The following CSGALNACT1 variants were observed in gnomAD, a reference collection of about 807,000 sequenced individuals.
CSGALNACT1 encodes the protein beta4GalNAcT-1.
A neutral mutation model predicts 51.0 loss-of-function variants in CSGALNACT1; 52 were observed. The ratio of observed to expected loss-of-function variants is 1.02; its 90% CI spans 0.82 to 1.29. CSGALNACT1 has a LOEUF of 1.29. CSGALNACT1 is among the 50% of genes most tolerant of loss of function. The pLI is 0.00. For synonymous variants in CSGALNACT1, 341 were observed against 254.4 expected, an observed-to-expected ratio of 1.34 and a Z score of -3.24; for missense variants, 935 against 679.2, an observed-to-expected ratio of 1.38 and a Z score of -4.19.
intron 3 of CSGALNACT1, among the ~76,000 whole-genome samples, chr8:19,526,659 A>C (rs1172718815): frequency 6.6e-6 from 1 of 152,170 alleles, no homozygotes; most frequent in East Asian, 1.9e-4. Flanking sequence ...GATATTACTT[A>C]AAGGAGCCAC....
At chr8:19,689,305 G>A (rs1040822239) in intron 1 of CSGALNACT1, among the ~76,000 whole-genome samples, 2 of 152,138 alleles carry the variant, frequency 1.3e-5, no homozygotes, top group Non-Finnish European at 2.9e-5. Context: ...TACATGAAGA[G>A]GGCCATTTGG....
chr8:19,701,862 C>T (rs2061900108), intron 1 of CSGALNACT1, among the ~76,000 whole-genome samples: 1 of 152,140 alleles, frequency 6.6e-6, no homozygotes, highest in Non-Finnish European at 1.5e-5. Context: ...ATGATAATAT[C>T]AAGTAGAACA....
At position 19,553,329 on chromosome 8, in the gene CSGALNACT1, A is replaced by C. The variant is rs573925698; in HGVS notation, c.-297+37831T>G. Among the ~76,000 whole-genome samples, 5 of 152,140 alleles carry C rather than the reference A, an allele frequency of 3.3e-5. No individual in the cohort carries two copies. The South Asian group carries it at 1.0e-3, about 32-fold the overall frequency. On this transcript the variant is annotated intron_variant, in intron 3 of 9. Coordinates refer to ENST00000454498, the Ensembl canonical transcript of CSGALNACT1. ...TTAAATGGTACCCTAAAGGAACTAA[A>C]AGGCAAGACAGAGGGGCAAAAATGT...
At chr8:19,516,456 T>C (rs1462436516) in intron 3 of CSGALNACT1, among the ~76,000 whole-genome samples, 6 of 152,150 alleles carry the variant, frequency 3.9e-5, no homozygotes, top group Admixed American at 2.6e-4. Flanking sequence ...TCTGAACTCA[T>C]AAATATTATT....
chr8:19,569,884 C>T (rs1237348134), intron 3 of CSGALNACT1, among the ~76,000 whole-genome samples: 1 of 152,164 alleles, frequency 6.6e-6, no homozygotes, highest in Admixed American at 6.5e-5. Context: ...ATAGAACAAA[C>T]TACTGCTACA....
At chr8:19,669,044 CA>C (rs1056117539) in intron 1 of CSGALNACT1, among the ~76,000 whole-genome samples, 42 of 152,274 alleles carry the variant, frequency 2.8e-4, no homozygotes, top group African/African-American at 9.9e-4. Flanking sequence ...GGCTCTCAAA[CA>C]AATTCTGTGT....
intron 6 of CSGALNACT1, among the ~76,000 whole-genome samples, chr8:19,428,455 C>T (rs1256071771): frequency 3.3e-5 from 5 of 152,100 alleles, no homozygotes; most frequent in Non-Finnish European, 7.4e-5. Flanking sequence ...GACTTATTCA[C>T]CACCATGAGA....
At chr8:19,724,633 C>T (rs6999473) in intron 1 of CSGALNACT1, among the ~76,000 whole-genome samples, 111,184 of 152,196 alleles carry the variant, frequency 0.73, 40,849 homozygotes, top group East Asian at 0.83. Context: ...GACATGGCCG[C>T]CTTTGGGAGA....
At chr8:19,682,560 C>A (rs1218036408) in exon 1 of CSGALNACT1, 1 of 448,646 alleles carries the variant, frequency 2.2e-6, no homozygotes, top group Non-Finnish European at 4.5e-6. Flanking sequence ...CAGTACTCTA[C>A]TCCCAGGGTT....
chr8:19,469,589 C>A (rs141944911), intron 4 of CSGALNACT1, among the ~76,000 whole-genome samples: 2 of 152,152 alleles, frequency 1.3e-5, no homozygotes, highest in African/African-American at 4.8e-5. Flanking sequence ...CAAGTTTATT[C>A]CCACTTCAGA....
chr8:19,584,627 A>G (rs1364940681), intron 3 of CSGALNACT1, among the ~76,000 whole-genome samples: 1 of 152,256 alleles, frequency 6.6e-6, no homozygotes, highest in Non-Finnish European at 1.5e-5. Flanking sequence ...TTCAGAAATC[A>G]AAAGTATAAT....
chr8:19,747,609 G>T (rs1483871389), intron 1 of CSGALNACT1, among the ~76,000 whole-genome samples: 1 of 152,154 alleles, frequency 6.6e-6, no homozygotes, highest in Non-Finnish European at 1.5e-5. Context: ...ACTATTTTCT[G>T]CTCAGATTTC....
chr8:19,540,472 G>T (rs1355017813), intron 3 of CSGALNACT1, among the ~76,000 whole-genome samples: 1 of 152,202 alleles, frequency 6.6e-6, no homozygotes, highest in East Asian at 1.9e-4. Flanking sequence ...CTGACACACA[G>T]TATCTGCTTA....
Position 19,666,801 on chromosome 8 carries a change from AAGAAAGAAAGAGAGAG to A in CSGALNACT1, c.-544+15656_-544+15671del, listed in dbSNP as rs2059238617. On this transcript the variant is annotated intron_variant, in intron 1 of 9. Transcript: ENST00000332246. Reference sequence around the variant, plus strand: ...AAAGAAAGAAAGAAAGAAAGAAAGAAAGAAAGAAAGAGAGAGAGAGAGAGAGAGAGAGAAAGAAAGA... The same window carrying A: ...AAAGAAAGAAAGAAAGAAAGAAAGAAAGAGAGAGAGAGAGAGAAAGAAAGA... 1.4e-4 allele frequency among the ~76,000 whole-genome samples: 3 copies of A among 21,760 alleles called. 1 individual carries two copies. Among genetic ancestry groups the A allele is most frequent in the Non-Finnish European group, 2.3e-4 (3 of 12,900 alleles). 14.3% of individuals were successfully genotyped at this position (21,760 alleles called of 152,430 possible).
chr8:19,728,212 T>TA (rs2063506529), intron 1 of CSGALNACT1, among the ~76,000 whole-genome samples: 2 of 152,252 alleles, frequency 1.3e-5, no homozygotes, highest in South Asian at 2.1e-4. Flanking sequence ...TTCTTCTATG[T>TA]AAAATCTAAC....
chr8:19,437,389 A>T (rs1376859015), intron 6 of CSGALNACT1, among the ~76,000 whole-genome samples: 2 of 152,178 alleles, frequency 1.3e-5, no homozygotes, highest in East Asian at 3.9e-4. Context: ...CCATCTGGGG[A>T]CCAGGCTAAG....
chr8:19,622,305 G>A (rs967520810), intron 1 of CSGALNACT1, among the ~76,000 whole-genome samples: 1 of 152,132 alleles, frequency 6.6e-6, no homozygotes, highest in South Asian at 2.1e-4. Flanking sequence ...GTAATTCCAA[G>A]CACTATCTTT....
intron 1 of CSGALNACT1, among the ~76,000 whole-genome samples, chr8:19,748,707 G>C (rs116431158): frequency 0.017 from 2,584 of 152,282 alleles, 79 homozygotes; most frequent in African/African-American, 0.059. Context: ...GCTCACATCT[G>C]TAAACCCAGC....
upstream of CSGALNACT1, chr8:19,602,760 G>A (rs1051886448): frequency 6.6e-6 from 1 of 152,110 alleles, no homozygotes; most frequent in African/African-American, 2.4e-5. Flanking sequence ...AAAGCAGAAT[G>A]GGAAAGAGGT....
Sources: allele counts gnomAD v4.1 joint callset (sites outside exome capture counted in the v4.1 genomes callset), GRCh38; gene constraint gnomAD v4.1.1; transcripts MANE v1.5; gene names NCBI Gene and HGNC (gene_info 2026-07-23, HGNC 2026-07-21).